NHSL2: variants seen among roughly 807,000 people sequenced by gnomAD.
The protein encoded by NHSL2 is NHS-like protein 2.
A neutral mutation model predicts 53.4 loss-of-function variants in NHSL2; 27 were observed. The observed-to-expected ratio is 0.51, with a 90% CI of 0.37 to 0.70. The LOEUF is 0.70. NHSL2 is among the 30% of genes least tolerant of loss of function. The pLI, the probability that NHSL2 is intolerant of heterozygous loss-of-function variation, is 0.00. For missense variants in NHSL2, 892 were observed against 980.1 expected (o/e 0.91, Z 1.20); for synonymous variants, 408 against 404.1 (o/e 1.01, Z -0.12).
chrX:71,957,641 T>C (rs1481660939), intron 1 of NHSL2, among the ~76,000 whole-genome samples: 1 of 110,999 alleles, frequency 9.0e-6, no homozygotes, highest in Non-Finnish European at 1.9e-5. Context: ...CCAGTCGGCC[T>C]ACTGTGCCTC....
chrX:72,134,855 C>T (rs1252369183), intron 4 of NHSL2, among the ~76,000 whole-genome samples, 151 bp downstream of exon 4: 6 of 112,775 alleles, frequency 5.3e-5, no homozygotes, highest in African/African-American at 1.3e-4. Context: ...TGCCAGGGAA[C>T]GGAGGCATGC....
chrX:72,102,760 T>G (rs1250712102), intron 1 of NHSL2, among the ~76,000 whole-genome samples: 1 of 112,526 alleles, frequency 8.9e-6, no homozygotes, highest in Admixed American at 9.4e-5. Flanking sequence ...CAGGTCAAAC[T>G]AACAGAAGAA....
At chrX:71,916,946 C>G (rs2041631254) in intron 1 of NHSL2, among the ~76,000 whole-genome samples, 1 of 111,809 alleles carries the variant, frequency 8.9e-6, no homozygotes, top group African/African-American at 3.3e-5. Context: ...CTAGAGTCCT[C>G]TACTGTCAGT....
chrX:71,966,345 A>C (rs2041900887), intron 1 of NHSL2, among the ~76,000 whole-genome samples: 1 of 112,035 alleles, frequency 8.9e-6, no homozygotes, highest in African/African-American at 3.2e-5. Context: ...GTTGAGAAGC[A>C]AGTGGTGAGA....
At chrX:72,130,326 C>T (rs773585535) in intron 1 of NHSL2, 36 of 1,173,478 alleles carry the variant, frequency 3.1e-5, no homozygotes, top group Non-Finnish European at 3.5e-5. Flanking sequence ...CCTCCTCCTC[C>T]TCTTTCTGTT....
At chrX:72,050,452 C>T (rs780143389) in intron 1 of NHSL2, among the ~76,000 whole-genome samples, 2 of 111,452 alleles carry the variant, frequency 1.8e-5, no homozygotes, top group Non-Finnish European at 1.9e-5. Context: ...CCCCTTTTTT[C>T]CTTTTTTCTT....
Position 71,964,023 on chromosome X carries a change from ATGTG to A in NHSL2, c.280+52658_280+52661del, listed in dbSNP as rs750722492. Reference sequence around the variant, plus strand: ...TACATATATATATGTATATATATATATGTGTATATATATATATATGTATATATAT... The same window carrying A: ...TACATATATATATGTATATATATATATATATATATATATATGTATATATAT... On this transcript the variant is annotated intron_variant, in intron 1 of 7. Coordinates refer to ENST00000633930, the MANE Select transcript of NHSL2 (RefSeq NM_001013627.3). Among the ~76,000 whole-genome samples the A allele has an allele frequency of 3.0e-3, 80 of 26,641 alleles. 1 individual carries two copies. The highest frequency in any genetic ancestry group is 8.4e-3 in the East Asian group (3 of 358). 23.1% of individuals were successfully genotyped at this position (26,641 alleles called of 115,157 possible).
intron 1 of NHSL2, among the ~76,000 whole-genome samples, chrX:72,025,204 A>G (rs970333604): frequency 2.7e-5 from 3 of 112,673 alleles, no homozygotes; most frequent in Non-Finnish European, 5.6e-5. Flanking sequence ...TTGTCAATGA[A>G]AAATAAAATA....
At chrX:72,066,782 G>C (rs1020528036) in intron 1 of NHSL2, among the ~76,000 whole-genome samples, 6 of 111,337 alleles carry the variant, frequency 5.4e-5, no homozygotes, top group Admixed American at 4.8e-4. Flanking sequence ...GATTAAACTA[G>C]TATTATCTAC....
intron 1 of NHSL2, among the ~76,000 whole-genome samples, chrX:71,999,948 A>G (rs1305807000): frequency 8.9e-6 from 1 of 112,434 alleles, no homozygotes; most frequent in African/African-American, 3.2e-5. Context: ...TTCAGCAAAA[A>G]TCAATGAAAG....
intron 1 of NHSL2, among the ~76,000 whole-genome samples, chrX:72,087,937 G>A (rs906098593): frequency 8.1e-5 from 9 of 111,303 alleles, no homozygotes; most frequent in Non-Finnish European, 1.7e-4. Context: ...GGGTGCAGTG[G>A]CTCACTCCTG....
chrX:72,061,106 G>A (rs780503912), intron 1 of NHSL2, among the ~76,000 whole-genome samples: 54 of 112,403 alleles, frequency 4.8e-4, no homozygotes, highest in Non-Finnish European at 9.0e-4. Flanking sequence ...TGGTGAACTC[G>A]GTGTGTTTAT....
intron 1 of NHSL2, among the ~76,000 whole-genome samples, chrX:71,927,221 G>A (rs977102232): frequency 8.9e-6 from 1 of 112,269 alleles, no homozygotes; most frequent in South Asian, 3.7e-4. Flanking sequence ...CTGACCATCG[G>A]GTTGGCAGCA....
At chrX:72,083,827 C>A (rs767782466) in intron 1 of NHSL2, among the ~76,000 whole-genome samples, 7 of 112,217 alleles carry the variant, frequency 6.2e-5, no homozygotes, top group African/African-American at 1.6e-4. Context: ...GTGGCATTCA[C>A]TCAGCAGGTG....
chrX:72,137,917 G>A (rs995028822), intron 5 of NHSL2, among the ~76,000 whole-genome samples: 1 of 111,532 alleles, frequency 9.0e-6, no homozygotes, highest in African/African-American at 3.3e-5. Flanking sequence ...ACATCCAAAC[G>A]GTTTCCTCAC....
chrX:72,148,660 T>TG lies in NHSL2; in HGVS notation c.*5090dup, dbSNP rs2042482023. 9.0e-6 allele frequency: 1 copy of TG among 111,714 alleles called. No homozygotes were observed. The highest frequency in any genetic ancestry group is 3.3e-5 in the African/African-American group (1 of 30,714). 9.2% of individuals were successfully genotyped at this position (111,714 alleles called of 1,213,427 possible). On this transcript the variant is annotated 3_prime_UTR_variant, in exon 8 of 8. Coordinates refer to ENST00000633930, the MANE Select transcript of NHSL2 (RefSeq NM_001013627.3). ...TAGTAAATAGTTATAGACACACATTTGGGGCATTTTTAATAAGGTTAGCAA... is the reference window on the plus strand; with the variant it reads ...TAGTAAATAGTTATAGACACACATTTGGGGGCATTTTTAATAAGGTTAGCAA...
chrX:72,114,396 A>G lies in NHSL2; in HGVS notation c.281-17683A>G, dbSNP rs186345067. ...CATGCCCGAGCCCACGAGAGAGCAT[A>G]TGTCAATGCGCCTCTCACACTGCAA... On this transcript the variant is annotated intron_variant, in intron 1 of 7. Transcript: ENST00000633930. Among the ~76,000 whole-genome samples the G allele has an allele frequency of 3.3e-3, 372 of 111,717 alleles. 2 individuals are homozygous for G. The highest frequency in any genetic ancestry group is 0.011 in the African/African-American group (346 of 30,713).
chrX:72,064,344 G>A (rs1350712196), intron 1 of NHSL2, among the ~76,000 whole-genome samples: 2 of 112,185 alleles, frequency 1.8e-5, no homozygotes, highest in Non-Finnish European at 3.8e-5. Flanking sequence ...GCAGGTTATG[G>A]CAGATGGGAT....
At chrX:72,019,406 A>G (rs2042149854) in intron 1 of NHSL2, among the ~76,000 whole-genome samples, 1 of 112,621 alleles carries the variant, frequency 8.9e-6, no homozygotes, top group South Asian at 3.6e-4. Flanking sequence ...AGCTTAGGCC[A>G]GGTACAGAAA....
Sources: gnomAD v4.1 joint callset for allele counts (sites outside exome capture counted in the v4.1 genomes callset) on GRCh38, gnomAD v4.1.1 for gene constraint, MANE v1.5 for transcripts, NCBI Gene and HGNC (gene_info 2026-07-23, HGNC 2026-07-21) for gene names.